NFIB: variants seen among roughly 807,000 people sequenced by gnomAD.
The protein encoded by NFIB is nuclear factor 1 B-type.
A neutral mutation model predicts 61.5 loss-of-function variants in NFIB; 11 were observed. The ratio of observed to expected loss-of-function variants is 0.18; its 90% confidence interval spans 0.11 to 0.30. The LOEUF is 0.30. NFIB is among the 10% of genes least tolerant of loss of function. NFIB has a pLI of 1.00. For synonymous variants in NFIB, 260 were observed against 216.5 expected (o/e 1.20, Z -1.76); for missense variants, 471 against 608.9 (o/e 0.77, Z 2.38).
chr9:14,365,133 A>G (rs1356994497), intron 1 of NFIB, among the ~76,000 whole-genome samples: 1 of 152,256 alleles, frequency 6.6e-6, no homozygotes, highest in Non-Finnish European at 1.5e-5. Flanking sequence ...GCACATGCCA[A>G]GGACTTAGTA....
intron 1 of NFIB, among the ~76,000 whole-genome samples, chr9:14,377,481 T>C (rs7037527): frequency 0.57 from 86,777 of 151,912 alleles, 25,051 homozygotes; most frequent in Middle Eastern, 0.67. Flanking sequence ...TCTCCCAAAG[T>C]GCTAGGATTA....
At chr9:14,173,227 A>G (rs1307144630) in intron 3 of NFIB, among the ~76,000 whole-genome samples, 1 of 152,154 alleles carries the variant, frequency 6.6e-6, no homozygotes, top group East Asian at 1.9e-4. Flanking sequence ...TTGACTGCAC[A>G]AAGCGGTTGG....
chr9:14,527,619 C>T, the NFIB span, among the ~76,000 whole-genome samples: 34 of 152,162 alleles, frequency 2.2e-4, no homozygotes, highest in Admixed American at 2.2e-3. Context: ...GGATTGGTCT[C>T]CTCTGCACCT....
intron 1 of NFIB, among the ~76,000 whole-genome samples, chr9:14,327,538 T>C (rs1470599759): frequency 2.6e-5 from 4 of 152,182 alleles, no homozygotes; most frequent in Non-Finnish European, 5.9e-5. Context: ...CAAGTATAGA[T>C]AGGTTTTTGA....
intron 6 of NFIB, among the ~76,000 whole-genome samples, chr9:14,139,313 T>G (rs981925373): frequency 6.6e-6 from 1 of 152,178 alleles, no homozygotes; most frequent in Non-Finnish European, 1.5e-5. Context: ...AATCAATTTC[T>G]TATTGTATAT....
chr9:14,384,084 A>G (rs1426103893), intron 1 of NFIB, among the ~76,000 whole-genome samples: 5 of 152,196 alleles, frequency 3.3e-5, no homozygotes. Flanking sequence ...AGCACGCCAC[A>G]TGCTTCTTTG....
chr9:14,171,892 A>G (rs2045602440), intron 3 of NFIB, among the ~76,000 whole-genome samples: 1 of 152,214 alleles, frequency 6.6e-6, no homozygotes, highest in Admixed American at 6.5e-5. Flanking sequence ...TACTTTAAAA[A>G]TCGCAAGGTA....
At chr9:14,431,412 A>G in the NFIB span, among the ~76,000 whole-genome samples, 1 of 151,900 alleles carries the variant, frequency 6.6e-6, no homozygotes, top group East Asian at 1.9e-4. Context: ...CTAATGGAAA[A>G]CTCACTCTAG....
chr9:14,282,499 A>C (rs151319136), intron 2 of NFIB, among the ~76,000 whole-genome samples: 4 of 152,256 alleles, frequency 2.6e-5, no homozygotes, highest in Non-Finnish European at 5.9e-5. Context: ...AAAAGTCCAA[A>C]TTACAAGTGA....
At chr9:14,118,409 A>G (rs964580760) in intron 8 of NFIB, among the ~76,000 whole-genome samples, 2 of 152,116 alleles carry the variant, frequency 1.3e-5, no homozygotes, top group Admixed American at 6.5e-5. Flanking sequence ...CCATTCTACA[A>G]ACTTCACCTA....
At chr9:14,437,868 C>T in the NFIB span, among the ~76,000 whole-genome samples, 1 of 152,210 alleles carries the variant, frequency 6.6e-6, no homozygotes, top group Non-Finnish European at 1.5e-5. Flanking sequence ...AGTGGCAATC[C>T]GTGAGGCTGA....
the NFIB span, among the ~76,000 whole-genome samples, chr9:14,498,046 T>G: frequency 4.6e-5 from 7 of 152,324 alleles, no homozygotes; most frequent in East Asian, 1.3e-3. Context: ...TCATTTGAAT[T>G]GGGTTTATGT....
the NFIB span, among the ~76,000 whole-genome samples, chr9:14,410,076 A>G: frequency 2.0e-5 from 3 of 152,124 alleles, no homozygotes; most frequent in African/African-American, 7.2e-5. Flanking sequence ...GCAGGTTTCT[A>G]AAGTCTGTAA....
chr9:14,394,567 T>C (rs1352059936), intron 1 of NFIB, among the ~76,000 whole-genome samples: 1 of 152,174 alleles, frequency 6.6e-6, no homozygotes, highest in Non-Finnish European at 1.5e-5. Flanking sequence ...AAGAACAGTA[T>C]GGGGAAAATG....
chr9:14,292,262 GAGA>G, intron 2 of NFIB, among the ~76,000 whole-genome samples: 1 of 152,234 alleles, frequency 6.6e-6, no homozygotes, highest in South Asian at 2.1e-4. Context: ...ACTGTAAAGT[GAGA>G]AGATCTGTAG....
the NFIB span, among the ~76,000 whole-genome samples, chr9:14,425,404 G>T: frequency 5.3e-5 from 8 of 152,046 alleles, no homozygotes; most frequent in South Asian, 1.5e-3. Context: ...GGCACTGTGT[G>T]GTCTCTGACC....
upstream of NFIB, among the ~76,000 whole-genome samples, chr9:14,316,452 C>T (rs1360617360): frequency 1.3e-5 from 2 of 152,236 alleles, no homozygotes; most frequent in African/African-American, 2.4e-5. Flanking sequence ...TTCGGCCACA[C>T]GCCCTGGGAG....
chr9:14,380,184 G>T (rs1212952026), intron 1 of NFIB, among the ~76,000 whole-genome samples: 1 of 152,134 alleles, frequency 6.6e-6, no homozygotes, highest in Non-Finnish European at 1.5e-5. Context: ...CTGAATGACA[G>T]GCAGCACCAC....
At chr9:14,286,077 A>G (rs1194996585) in intron 2 of NFIB, among the ~76,000 whole-genome samples, 1 of 152,216 alleles carries the variant, frequency 6.6e-6, no homozygotes, top group Non-Finnish European at 1.5e-5. Flanking sequence ...ACACCACCAG[A>G]CTGACATGTT....
Sources: allele counts gnomAD v4.1 joint callset (sites outside exome capture counted in the v4.1 genomes callset), GRCh38; gene constraint gnomAD v4.1.1; transcripts MANE v1.5; gene names NCBI Gene and HGNC (gene_info 2026-07-23, HGNC 2026-07-21).